Variants in KALRN observed in about 807,000 individuals in gnomAD.
KALRN encodes kalirin RhoGEF kinase, also known as kalirin.
In KALRN, 70 loss-of-function variants were observed where a neutral mutation model predicts 353.7. The ratio of observed to expected loss-of-function variants is 0.20; its 90% CI spans 0.16 to 0.24. The LOEUF (loss-of-function observed/expected upper bound fraction) is 0.24, where lower values mean the gene tolerates loss of function less well. Ranked by LOEUF, KALRN falls within the 10% of genes least tolerant of loss-of-function variation. KALRN has a pLI of 1.00. For missense variants in KALRN, 2,791 were observed against 3,756.7 expected (o/e 0.74, Z 6.72); for synonymous variants, 1,391 against 1,434.8 (o/e 0.97, Z 0.69).
At chr3:124,345,949 C>T (rs1242082899) in intron 9 of KALRN, among the ~76,000 whole-genome samples, 1 of 152,182 alleles carries the variant, frequency 6.6e-6, no homozygotes, top group Non-Finnish European at 1.5e-5. Flanking sequence ...ATGAGTTAAA[C>T]CATCCTTTTA....
At position 124,174,266 on chromosome 3, in the gene KALRN, T is replaced by G. The variant is rs146252676; in HGVS notation, c.74-53724T>G. On this transcript the variant is annotated intron_variant, in intron 1 of 59. Transcript: ENST00000682506. ...CTGGTCAACATGGCAAAATCCCATC[T>G]CTATTAAAAATACAAAAAATGCCTG... Among the ~76,000 whole-genome samples, 1,214 of 152,008 alleles carry G rather than the reference T, an allele frequency of 8.0e-3. 14 individuals are homozygous for G. Among genetic ancestry groups the G allele is most frequent in the African/African-American group, 0.027 (1,111 of 41,472 alleles).
At chr3:124,187,253 G>T (rs2074349329) in intron 1 of KALRN, among the ~76,000 whole-genome samples, 2 of 152,080 alleles carry the variant, frequency 1.3e-5, no homozygotes, top group Non-Finnish European at 2.9e-5. Flanking sequence ...GCTAATTTTT[G>T]TGTTTTTAGT....
At chr3:124,573,649 G>T (rs2073791158) in intron 34 of KALRN, among the ~76,000 whole-genome samples, 1 of 151,996 alleles carries the variant, frequency 6.6e-6, no homozygotes, top group African/African-American at 2.4e-5. Flanking sequence ...GACTACAAGT[G>T]CGAGCCATTG....
chr3:124,310,352 T>C (rs1422115394), intron 6 of KALRN, among the ~76,000 whole-genome samples: 1 of 152,194 alleles, frequency 6.6e-6, no homozygotes, highest in East Asian at 1.9e-4. Context: ...ATCCTTGATC[T>C]ATAAATCCAG....
At chr3:124,389,626 T>G (rs1207170463) in intron 11 of KALRN, among the ~76,000 whole-genome samples, 1 of 152,220 alleles carries the variant, frequency 6.6e-6, no homozygotes, top group African/African-American at 2.4e-5. Flanking sequence ...CATAATGCAT[T>G]TATATAGTAA....
intron 1 of KALRN, among the ~76,000 whole-genome samples, chr3:124,196,591 G>A (rs765591948): frequency 2.0e-5 from 3 of 151,938 alleles, no homozygotes; most frequent in Non-Finnish European, 4.4e-5. Flanking sequence ...ATTCTTCTTG[G>A]CTACTTATTT....
At chr3:124,409,104 A>G (rs1415460552) in intron 13 of KALRN, among the ~76,000 whole-genome samples, 1 of 152,192 alleles carries the variant, frequency 6.6e-6, no homozygotes, top group African/African-American at 2.4e-5. Flanking sequence ...TTGCCAATGT[A>G]TCTGTCAAAA....
chr3:124,480,482 A>G (rs981393107), intron 27 of KALRN, among the ~76,000 whole-genome samples: 1 of 152,166 alleles, frequency 6.6e-6, no homozygotes, highest in Admixed American at 6.5e-5. Context: ...CACTAATTCT[A>G]GCTTAGGGCA....
chr3:124,590,633 A>G (rs148922909), intron 34 of KALRN, among the ~76,000 whole-genome samples: 2 of 151,866 alleles, frequency 1.3e-5, no homozygotes, highest in Non-Finnish European at 2.9e-5. Context: ...TTTGCACTTG[A>G]TCTTAGCCAA....
intron 1 of KALRN, among the ~76,000 whole-genome samples, chr3:124,170,004 G>A (rs2071503679): frequency 1.3e-5 from 2 of 152,186 alleles, no homozygotes; most frequent in Admixed American, 6.5e-5. Context: ...AAGAGGGCTG[G>A]CTTGGTTGAA....
At chr3:124,416,895 T>G (rs1412370439) in intron 14 of KALRN, among the ~76,000 whole-genome samples, 1 of 152,250 alleles carries the variant, frequency 6.6e-6, no homozygotes, top group Non-Finnish European at 1.5e-5. Context: ...ATTTAGTCCA[T>G]GCTAAATAAG....
At chr3:124,066,478 G>A (rs1483145463) in intron 1 of KALRN, among the ~76,000 whole-genome samples, 1 of 152,196 alleles carries the variant, frequency 6.6e-6, no homozygotes, top group Non-Finnish European at 1.5e-5. Flanking sequence ...AAGGTTTAAT[G>A]AAAGGACTCT....
At position 124,496,323 on chromosome 3, in the gene KALRN, G is replaced by A. The variant is rs1468903031; in HGVS notation, c.4845G>A (p.Glu1615=). 6.2e-7 allele frequency: 1 copy of A among 1,612,922 alleles called. No individual in the cohort carries two copies. The highest frequency in any genetic ancestry group is 8.5e-7 in the Non-Finnish European group (1 of 1,179,474). ...CTTCTTCCTGCAGGGATGGAGTGGA[G>A]GATATTGACAGCCAGGGGGATGGGA... The part of the protein sequence containing the change: ...QRNNSKRDGV[E]DIDSQGDGSS... The change falls in exon 33 of 60, where the codon GAG becomes GAA. Residue 1615 remains glutamate (E), a synonymous_variant. Coordinates refer to ENST00000682506, the MANE Select transcript of KALRN (RefSeq NM_001388419.1).
chr3:124,696,218 C>T lies in KALRN; in HGVS notation c.7662C>T (p.His2554=), dbSNP rs199791998. Residue 2554 remains histidine (H), a synonymous_variant, in exon 54 of 60, where the codon CAC becomes CAT. Transcript: ENST00000682506. ...ATACCTGCATAGCAACAAATGACCA[C>T]GGGACCACATCAACGTCTGCAACAG... The part of the protein sequence containing the change: ...GIYTCIATND[H]GTTSTSATVK... 8.1e-6 allele frequency: 13 copies of T among 1,613,952 alleles called. No individual in the cohort carries two copies. Among genetic ancestry groups the T allele is most frequent in the South Asian group, 1.1e-5 (1 of 91,084 alleles).
chr3:124,335,942 G>A (rs2081090911), intron 9 of KALRN, among the ~76,000 whole-genome samples: 1 of 152,094 alleles, frequency 6.6e-6, no homozygotes, highest in South Asian at 2.1e-4. Flanking sequence ...CATGTCTTTG[G>A]GATATCTGTT....
At chr3:124,649,406 C>T (rs2083131245) in intron 37 of KALRN, among the ~76,000 whole-genome samples, 1 of 152,122 alleles carries the variant, frequency 6.6e-6, no homozygotes, top group Non-Finnish European at 1.5e-5. Context: ...AACCTTAGGG[C>T]TAATGTTTTC....
At chr3:124,349,686 T>C (rs941724639) in intron 10 of KALRN, among the ~76,000 whole-genome samples, 3 of 152,086 alleles carry the variant, frequency 2.0e-5, no homozygotes, top group African/African-American at 7.2e-5. Flanking sequence ...ATGGTTATAA[T>C]TGTAAGTGTT....
intron 10 of KALRN, among the ~76,000 whole-genome samples, chr3:124,350,604 A>T (rs115211428): frequency 0.011 from 1,706 of 152,260 alleles, 12 homozygotes; most frequent in Non-Finnish European, 0.018. Context: ...TGCTTATGGG[A>T]AGTGTGGGAC....
intron 33 of KALRN, among the ~76,000 whole-genome samples, chr3:124,553,557 T>A (rs1434440890): frequency 6.6e-6 from 1 of 152,200 alleles, no homozygotes; most frequent in Admixed American, 6.5e-5. Context: ...GCCCGTAACT[T>A]CTTCTCTCTC....
Sources: allele counts gnomAD v4.1 joint callset (sites outside exome capture counted in the v4.1 genomes callset), GRCh38; gene constraint gnomAD v4.1.1; transcripts MANE v1.5; gene names NCBI Gene and HGNC (gene_info 2026-07-23, HGNC 2026-07-21).